The following DRC1 variants were observed in gnomAD, a reference collection of about 807,000 sequenced individuals.
DRC1 encodes dynein regulatory complex subunit 1, also known as dynein regulatory complex protein 1.
A neutral mutation model predicts 98.7 loss-of-function variants in DRC1; 74 were observed. The observed-to-expected ratio is 0.75, with a 90% CI of 0.62 to 0.91. DRC1 has a LOEUF of 0.91. DRC1 is among the 40% of genes least tolerant of loss of function. DRC1 has a pLI of 0.00. For synonymous variants in DRC1, 336 were observed against 334.1 expected, an observed-to-expected ratio of 1.01 and a Z score of -0.06; for missense variants, 875 against 886.0, an observed-to-expected ratio of 0.99 and a Z score of 0.16.
chr2:26,415,082 T>C (rs1244416392), intron 2 of DRC1, among the ~76,000 whole-genome samples: 1 of 152,184 alleles, frequency 6.6e-6, no homozygotes, highest in Non-Finnish European at 1.5e-5. Context: ...CCAGTGAAAC[T>C]GTATGTACTG....
Position 26,431,969 on chromosome 2 carries a change from A to G in DRC1, c.851A>G (p.Tyr284Cys). Residue 284 changes from tyrosine (Y) to cysteine (C), a missense_variant, in exon 7 of 17, where the codon TAC (tyrosine) becomes TGC (cysteine). Coordinates refer to ENST00000288710, the MANE Select transcript of DRC1 (RefSeq NM_145038.5). ...NRQRIWDCEEYNMIKIKLEQD... is the reference protein window; with the variant it reads ...NRQRIWDCEECNMIKIKLEQD... ...CAGAGGATCTGGGATTGCGAAGAATACAACATGATCAAGATCAAGCTGGAG... is the reference window on the plus strand; with the variant it reads ...CAGAGGATCTGGGATTGCGAAGAATGCAACATGATCAAGATCAAGCTGGAG... 6.2e-7 allele frequency: 1 copy of G among 1,614,212 alleles called. No homozygotes were observed. The highest frequency in any genetic ancestry group is 1.1e-5 in the South Asian group (1 of 91,086).
In DRC1 at chr2:26,402,107, C is replaced by T; in HGVS notation, c.118C>T (p.Arg40Cys). The change falls in exon 1 of 17, where the codon CGC becomes TGC. Residue 40 changes from arginine to cysteine, a missense_variant. Physicochemically the swap from Arg to Cys is radical, Grantham distance 180 (BLOSUM62 -3). Transcript: ENST00000288710. Reference sequence around the variant, plus strand: ...CTCTCAGGAGCGCATCCAGGCCCGGCGCCTCCGCATCGCTGCGCGCTTAGA... The same window carrying T: ...CTCTCAGGAGCGCATCCAGGCCCGGTGCCTCCGCATCGCTGCGCGCTTAGA... Reference protein sequence around the residue: ...DNSQERIQARRLRIAARLEAR... With the variant: ...DNSQERIQARCLRIAARLEAR... 4.3e-6 allele frequency: 7 copies of T among 1,612,018 alleles called. No homozygotes were observed. Among genetic ancestry groups the T allele is most frequent in the South Asian group, 2.2e-5 (2 of 90,976 alleles).
At chr2:26,429,442 C>A (rs888167094) in intron 4 of DRC1, among the ~76,000 whole-genome samples, 186 bp from the exon 5 acceptor site, 2 of 151,978 alleles carry the variant, frequency 1.3e-5, no homozygotes, top group African/African-American at 4.8e-5. Flanking sequence ...GTCTCCTGAG[C>A]TGAAGCACCT....
Position 26,445,004 on chromosome 2 carries a change from G to A in DRC1, c.1396+56G>A, listed in dbSNP as rs538182712. On this transcript the variant is annotated intron_variant, in intron 10 of 16. Transcript: ENST00000288710. ...GCTGGAGGAGCCCCCTGAGAACATC[G>A]GGTCAAGCCAGTCACGTTAGAGATA... 6 of 1,564,206 alleles carry A rather than the reference G, an allele frequency of 3.8e-6. No individual in the cohort carries two copies. In the Admixed American group the frequency reaches 5.5e-5, roughly 14 times the overall value.
At chr2:26,443,552 C>T (rs1443181132) in intron 8 of DRC1, among the ~76,000 whole-genome samples, 1 of 152,224 alleles carries the variant, frequency 6.6e-6, no homozygotes, top group Non-Finnish European at 1.5e-5. Flanking sequence ...ATAGCACTTT[C>T]CACGCTGTAC....
Position 26,456,686 on chromosome 2 carries a change from AT to A in DRC1, c.*171del. 1 of 703,654 alleles carries A rather than the reference AT, an allele frequency of 1.4e-6. No individual in the cohort carries two copies. Among genetic ancestry groups the A allele is most frequent in the Non-Finnish European group, 2.4e-6 (1 of 422,988 alleles). 43.6% of individuals were successfully genotyped at this position (703,654 alleles called of 1,614,324 possible). A position where few individuals can be genotyped will look rare whatever the true frequency, so the allele number is the denominator to read the frequency against. On this transcript the variant is annotated 3_prime_UTR_variant, in exon 17 of 17. Coordinates refer to ENST00000288710, the MANE Select transcript of DRC1 (RefSeq NM_145038.5). Reference sequence around the variant, plus strand: ...GCCAGAGGAGTTACCTGTGTCCTGCATTATGATTAAAGCCTTTTAAAGTTGT... The same window carrying A: ...GCCAGAGGAGTTACCTGTGTCCTGCATATGATTAAAGCCTTTTAAAGTTGT...
At chr2:26,452,452 G>T (rs1264034948) in intron 13 of DRC1, among the ~76,000 whole-genome samples, 1 of 152,124 alleles carries the variant, frequency 6.6e-6, no homozygotes, top group Non-Finnish European at 1.5e-5. Flanking sequence ...TAGAGATGTG[G>T]TTTCACCATG....
chr2:26,456,446 C>T lies in DRC1; in HGVS notation c.2167-15C>T. 6.2e-7 allele frequency: 1 copy of T among 1,614,032 alleles called. No individual in the cohort carries two copies. Among genetic ancestry groups the T allele is most frequent in the South Asian group, 1.1e-5 (1 of 91,068 alleles). The stretch of plus-strand genomic sequence containing the variant: ...CCTGGGAAAAATGTAACGACTTTCA[C>T]CCTTTCTTTTCCAGATCAACTCTGA... On this transcript the variant is annotated splice_polypyrimidine_tract_variant and intron_variant, in intron 16 of 16. Coordinates refer to ENST00000288710, the MANE Select transcript of DRC1 (RefSeq NM_145038.5).
At chr2:26,443,572 C>A (rs957111780) in intron 8 of DRC1, among the ~76,000 whole-genome samples, 2 of 152,188 alleles carry the variant, frequency 1.3e-5, no homozygotes, top group African/African-American at 4.8e-5. Context: ...CTGTAATTAA[C>A]GTTTGTCTTT....
Position 26,429,698 on chromosome 2 carries a change from T to G in DRC1, c.611T>G (p.Leu204Arg). Residue 204 changes from leucine to arginine, a missense_variant, in exon 5 of 17, where the codon CTG (leucine) becomes CGG (arginine). Leu to Arg is a moderately radical substitution (Grantham distance 102, BLOSUM62 -2). Transcript: ENST00000288710. ...CAGTCAGATGACATCTGCCTGCTTC[T>G]GGAGCGGATGGAAGAACAGGTGAAG... ...KKQSDDICLL[L>R]ERMEEQVKNV... is the part of the protein sequence containing the mutation. The G allele has an allele frequency of 1.9e-6, 3 of 1,614,204 alleles. No homozygotes were observed. The highest frequency in any genetic ancestry group is 2.5e-6 in the Non-Finnish European group (3 of 1,180,032).
At chr2:26,417,651 A>G (rs916693668) in intron 2 of DRC1, among the ~76,000 whole-genome samples, 7 of 152,204 alleles carry the variant, frequency 4.6e-5, no homozygotes, top group Admixed American at 3.9e-4. Context: ...TTCTTGACAT[A>G]TACATTTTAG....
chr2:26,402,060 C>A lies in DRC1; in HGVS notation c.71C>A (p.Ala24Glu), dbSNP rs770464153. ...GAGCACTTGTCCACCCAGATTCTCG[C>A]GCCCTCGGTCCACTCCGACAACTCT... ...VDEHLSTQIL[A>E]PSVHSDNSQE... Residue 24 changes from alanine (A) to glutamate (E), a missense_variant, in exon 1 of 17, where the codon GCG becomes GAG. Ala to Glu is a moderately radical substitution (Grantham distance 107). Transcript: ENST00000288710. 10 of 1,613,288 alleles carry A rather than the reference C, an allele frequency of 6.2e-6. No individual in the cohort carries two copies. Among genetic ancestry groups the A allele is most frequent in the Non-Finnish European group, 1.7e-6 (2 of 1,179,836 alleles).
chr2:26,438,445 G>A (rs187539974), intron 7 of DRC1, among the ~76,000 whole-genome samples: 22 of 152,294 alleles, frequency 1.4e-4, no homozygotes, highest in African/African-American at 5.1e-4. Flanking sequence ...TAAGTAAGTA[G>A]GGAAATTGAG....
At chr2:26,412,481 A>G (rs180939870) in intron 1 of DRC1, among the ~76,000 whole-genome samples, 1 of 152,102 alleles carries the variant, frequency 6.6e-6, no homozygotes, top group African/African-American at 2.4e-5. Flanking sequence ...CAGAGGAGAG[A>G]GCAGGGTCTT....
Position 26,456,681 on chromosome 2 carries a change from C to A in DRC1, c.*164C>A. 1 of 728,870 alleles carries A rather than the reference C, an allele frequency of 1.4e-6. No homozygotes were observed. The highest frequency in any genetic ancestry group is 2.0e-5 in the South Asian group (1 of 51,122). The allele number at this position is 728,870 out of a possible 1,614,324, so 45.2% of individuals were successfully genotyped here. A position where few individuals can be genotyped will look rare whatever the true frequency, so the allele number is the denominator to read the frequency against. On this transcript the variant is annotated 3_prime_UTR_variant, in exon 17 of 17. Coordinates refer to ENST00000288710, the MANE Select transcript of DRC1 (RefSeq NM_145038.5). ...AAGGAGCCAGAGGAGTTACCTGTGTCCTGCATTATGATTAAAGCCTTTTAA... is the reference window on the plus strand; with the variant it reads ...AAGGAGCCAGAGGAGTTACCTGTGTACTGCATTATGATTAAAGCCTTTTAA...
chr2:26,430,137 A>G (rs1461365545), intron 5 of DRC1, among the ~76,000 whole-genome samples: 1 of 152,224 alleles, frequency 6.6e-6, no homozygotes, highest in Non-Finnish European at 1.5e-5. Flanking sequence ...GGAATAAAAA[A>G]GGGGGATTAG....
intron 4 of DRC1, 129 bp from the exon 5 acceptor site, chr2:26,429,499 C>G (rs189663579): frequency 6.3e-6 from 8 of 1,267,842 alleles, no homozygotes; most frequent in African/African-American, 6.0e-5. Flanking sequence ...AGCCACTGTG[C>G]GCAGCCCTCT....
chr2:26,448,615 A>G (rs908000912), intron 10 of DRC1, 76 bp from the exon 11 acceptor site: 5 of 1,439,508 alleles, frequency 3.5e-6, no homozygotes, highest in Non-Finnish European at 4.9e-6. Flanking sequence ...AAGCCATCTG[A>G]CTGTTTCTCA....
Position 26,431,941 on chromosome 2 carries a change from A to T in DRC1, c.823A>T (p.Arg275Trp). 1 of 1,614,242 alleles carries T rather than the reference A, an allele frequency of 6.2e-7. No individual in the cohort carries two copies. Among genetic ancestry groups the T allele is most frequent in the Non-Finnish European group, 8.5e-7 (1 of 1,180,026 alleles). ...AGAGGACTATGAGAAGCAGCTGAAC[A>T]GGCAGAGGATCTGGGATTGCGAAGA... The part of the protein sequence containing the change: ...KVEDYEKQLN[R>W]QRIWDCEEYN... The change falls in exon 7 of 17, where the codon AGG becomes TGG. Residue 275 changes from arginine to tryptophan, a missense_variant. Arg to Trp is a moderately radical substitution (Grantham distance 101, BLOSUM62 -3). Coordinates refer to ENST00000288710, the MANE Select transcript of DRC1 (RefSeq NM_145038.5).
Sources: gnomAD v4.1 joint callset for allele counts (sites outside exome capture counted in the v4.1 genomes callset) on GRCh38, gnomAD v4.1.1 for gene constraint, MANE v1.5 for transcripts, NCBI Gene and HGNC (gene_info 2026-07-23, HGNC 2026-07-21) for gene names.